The following TFCP2 variants were observed in gnomAD, a reference collection of about 807,000 sequenced individuals.
TFCP2 encodes alpha-globin transcription factor CP2.
Under a neutral mutation model 73.4 loss-of-function variants are expected in TFCP2, and 33 were observed. That is an observed-to-expected ratio of 0.45 (90% CI 0.34 to 0.60). TFCP2 has a LOEUF of 0.60. Among genes scored for constraint, TFCP2 ranks in the 20% least tolerant of loss-of-function variants. The pLI is 0.01. For synonymous variants in TFCP2, 193 were observed against 211.6 expected (o/e 0.91, Z 0.76); for missense variants, 352 against 604.0 (o/e 0.58, Z 4.37).
At chr12:51,131,243 G>A (rs1253754635) in intron 1 of TFCP2, among the ~76,000 whole-genome samples, 3 of 147,308 alleles carry the variant, frequency 2.0e-5, no homozygotes, top group African/African-American at 7.5e-5. Flanking sequence ...ACTGAGGCAG[G>A]AGAATGGTGT....
At chr12:51,104,308 A>G (rs1940178468) in intron 8 of TFCP2, 105 bp from the exon 9 acceptor site, 2 of 962,962 alleles carry the variant, frequency 2.1e-6, no homozygotes, top group Non-Finnish European at 3.1e-6. Context: ...ATTAAAAAAA[A>G]ATCTGTGCTC....
intron 1 of TFCP2, among the ~76,000 whole-genome samples, chr12:51,171,836 T>C (rs12820559): frequency 0.17 from 25,911 of 152,256 alleles, 2,649 homozygotes; most frequent in South Asian, 0.27. Context: ...AGTGGTAAGA[T>C]AGAGCTGTAC....
chr12:51,171,939 G>T (rs911957153), intron 1 of TFCP2, among the ~76,000 whole-genome samples: 1 of 152,086 alleles, frequency 6.6e-6, no homozygotes, highest in African/African-American at 2.4e-5. Flanking sequence ...CAACTTCCTA[G>T]ATACCATTCC....
chr12:51,150,107 G>T (rs946694792), intron 1 of TFCP2, among the ~76,000 whole-genome samples: 1 of 152,066 alleles, frequency 6.6e-6, no homozygotes, highest in African/African-American at 2.4e-5. Flanking sequence ...TTTTACAGCA[G>T]TGCCATCTTT....
In TFCP2 at chr12:51,172,826, C is replaced by A. The variant is rs1442702720; in HGVS notation, c.-404G>T. 5.5e-6 allele frequency: 1 copy of A among 180,644 alleles called. No individual in the cohort carries two copies. The highest frequency in any genetic ancestry group is 1.2e-5 in the Non-Finnish European group (1 of 83,436). The allele number at this position is 180,644 out of a possible 1,614,324, so 11.2% of individuals were successfully genotyped here. On this transcript the variant is annotated 5_prime_UTR_variant, in exon 1 of 15. It adds an upstream start codon to the 5' untranslated region. Coordinates refer to ENST00000257915, the MANE Select transcript of TFCP2 (RefSeq NM_005653.5). ...CGGCGCTCCCACGCTGCTTTTGCAC[C>A]TTTTCCCCCGCCCCTTTCTGCTGGA...
At chr12:51,107,178 T>C in intron 7 of TFCP2, 58 bp downstream of exon 7, 2 of 1,392,148 alleles carry the variant, frequency 1.4e-6, no homozygotes, top group Non-Finnish European at 2.0e-6. Context: ...TTGGAAGTGA[T>C]GAATTTTTAA....
intron 1 of TFCP2, among the ~76,000 whole-genome samples, chr12:51,144,898 C>T (rs1162019790): frequency 6.6e-6 from 1 of 151,950 alleles, no homozygotes; most frequent in African/African-American, 2.4e-5. Context: ...GCCGTCTGTA[C>T]TAAAAATACA....
intron 1 of TFCP2, among the ~76,000 whole-genome samples, chr12:51,169,394 G>A (rs1414280598): frequency 6.6e-6 from 1 of 151,862 alleles, no homozygotes; most frequent in East Asian, 1.9e-4. Flanking sequence ...CCAGCTACTC[G>A]GGAGGCTGAG....
intron 1 of TFCP2, among the ~76,000 whole-genome samples, chr12:51,147,703 T>C (rs896307678): frequency 6.6e-6 from 1 of 151,988 alleles, no homozygotes; most frequent in African/African-American, 2.4e-5. Context: ...GAAGATAACA[T>C]TGGAAAAAAC....
chr12:51,170,881 T>C (rs1301651414), intron 1 of TFCP2, among the ~76,000 whole-genome samples: 2 of 151,874 alleles, frequency 1.3e-5, no homozygotes, highest in Non-Finnish European at 2.9e-5. Context: ...GGTTTCACCA[T>C]GTTGGCCAGG....
intron 1 of TFCP2, among the ~76,000 whole-genome samples, chr12:51,159,166 G>A (rs1344613172): frequency 7.5e-6 from 1 of 134,174 alleles, no homozygotes; most frequent in African/African-American, 2.7e-5. Flanking sequence ...GCATCATTGT[G>A]AGACTCTGTC....
intron 4 of TFCP2, 143 bp from the exon 5 acceptor site, chr12:51,111,126 C>A (rs908317055): frequency 1.6e-5 from 10 of 606,502 alleles, no homozygotes; most frequent in Admixed American, 1.2e-4. Flanking sequence ...TTTTTTTTGT[C>A]GTTGTTGTTG....
intron 13 of TFCP2, 66 bp from the exon 14 acceptor site, chr12:51,096,106 C>T: frequency 7.7e-7 from 1 of 1,299,348 alleles, no homozygotes; most frequent in African/African-American, 1.5e-5. Flanking sequence ...TCCTGTGTCC[C>T]TAAGGACTAC....
rs1940056701 is a variant in TFCP2, at chr12:51,099,549, C to T, written c.1276+106G>A. 7.1e-6 allele frequency: 10 copies of T among 1,399,420 alleles called. No individual in the cohort carries two copies. The Middle Eastern group carries it at 5.7e-4, about 80-fold the overall frequency. 86.7% of individuals were successfully genotyped at this position (1,399,420 alleles called of 1,614,324 possible). A position where few individuals can be genotyped will look rare whatever the true frequency, so the allele number is the denominator to read the frequency against. On this transcript the variant is annotated intron_variant, in intron 12 of 14. Coordinates refer to ENST00000257915, the MANE Select transcript of TFCP2 (RefSeq NM_005653.5). ...TAAATGCTAGTGATTATTGTTACTTCTAGCAAATACTAAATCTGCTGTTTG... is the reference window on the plus strand; with the variant it reads ...TAAATGCTAGTGATTATTGTTACTTTTAGCAAATACTAAATCTGCTGTTTG...
intron 8 of TFCP2, among the ~76,000 whole-genome samples, chr12:51,104,688 TCA>T (rs986835146): frequency 3.3e-5 from 5 of 151,572 alleles, no homozygotes; most frequent in African/African-American, 1.2e-4. Flanking sequence ...TGCAATATCA[TCA>T]CACAGATTTA....
rs1381786546 is a variant in TFCP2 at position 51,093,798 on chromosome 12, G to T, written c.*1443C>A. ...TTGAGTTTAATGAACAAAAATCTCT[G>T]TATAAAAAACATTTAAACCTTATCA... is the stretch of plus-strand genomic sequence containing the variant. On this transcript the variant is annotated 3_prime_UTR_variant, in exon 15 of 15. Transcript: ENST00000257915. The T allele has an allele frequency of 6.6e-6, 1 of 151,474 alleles. No individual in the cohort carries two copies. Among genetic ancestry groups the T allele is most frequent in the Admixed American group, 6.6e-5 (1 of 15,054 alleles). 9.4% of individuals were successfully genotyped at this position (151,474 alleles called of 1,614,324 possible). A position where few individuals can be genotyped will look rare whatever the true frequency, so the allele number is the denominator to read the frequency against.
chr12:51,107,850 C>T (rs970683252), intron 6 of TFCP2, among the ~76,000 whole-genome samples: 5 of 152,064 alleles, frequency 3.3e-5, no homozygotes, highest in Admixed American at 6.5e-5. Context: ...GTGATCCGCC[C>T]ACCTCGGCCT....
At chr12:51,114,424 G>A (rs1464403760) in intron 4 of TFCP2, among the ~76,000 whole-genome samples, 1 of 151,918 alleles carries the variant, frequency 6.6e-6, no homozygotes, top group East Asian at 1.9e-4. Context: ...TGGCCAACAT[G>A]GCAAAACCCT....
At chr12:51,154,554 C>T (rs957899880) in intron 1 of TFCP2, among the ~76,000 whole-genome samples, 2 of 152,006 alleles carry the variant, frequency 1.3e-5, no homozygotes, top group East Asian at 1.9e-4. Flanking sequence ...ATTAGCCAGG[C>T]GTGGTGGCAG....
Sources: allele counts gnomAD v4.1 joint callset (sites outside exome capture counted in the v4.1 genomes callset), GRCh38; gene constraint gnomAD v4.1.1; transcripts MANE v1.5; gene names NCBI Gene and HGNC (gene_info 2026-07-23, HGNC 2026-07-21).